Variants in SLC19A1 observed in about 807,000 individuals in gnomAD.
The protein encoded by SLC19A1 is reduced folate transporter.
A neutral mutation model predicts 35.3 loss-of-function variants in SLC19A1; 37 were observed. That is an observed-to-expected ratio of 1.05 (90% CI 0.81 to 1.38). The LOEUF (loss-of-function observed/expected upper bound fraction) is 1.38, where lower values mean the gene tolerates loss of function less well. Among genes scored for constraint, SLC19A1 ranks in the 40% most tolerant of loss-of-function variants. The probability of loss-of-function intolerance (pLI) is 0.00; values close to 1 mark genes in which losing one functional copy is unlikely to be tolerated. For synonymous variants in SLC19A1, 460 were observed against 398.5 expected, an observed-to-expected ratio of 1.15 and a Z score of -1.84; for missense variants, 831 against 826.9, an observed-to-expected ratio of 1.00 and a Z score of -0.06.
upstream of SLC19A1, among the ~76,000 whole-genome samples, chr21:45,543,480 T>C (rs2078372197): frequency 6.6e-6 from 1 of 152,208 alleles, no homozygotes; most frequent in African/African-American, 2.4e-5. Flanking sequence ...GCCCCTGGAA[T>C]GTACCCCTTC....
intron 5 of SLC19A1, among the ~76,000 whole-genome samples, chr21:45,523,757 C>T (rs1195241302): frequency 6.6e-6 from 1 of 152,198 alleles, no homozygotes; most frequent in Admixed American, 6.5e-5. Context: ...GCTGGGGCCA[C>T]ACAGGGCCCT....
intron 3 of SLC19A1, among the ~76,000 whole-genome samples, chr21:45,503,680 A>C (rs2036996528): frequency 6.6e-6 from 1 of 151,066 alleles, no homozygotes; most frequent in Non-Finnish European, 1.5e-5. Flanking sequence ...AGATATACCT[A>C]ATGCTAGATG....
chr21:45,505,045 G>A (rs2037108177), intron 3 of SLC19A1: 3 of 1,518,916 alleles, frequency 2.0e-6, no homozygotes, highest in African/African-American at 2.7e-5. Context: ...CTCGCCAAGG[G>A]GGTCTTGGCA....
chr21:45,545,588 T>C (rs142720497), upstream of SLC19A1, among the ~76,000 whole-genome samples: 2 of 151,822 alleles, frequency 1.3e-5, no homozygotes, highest in Admixed American at 6.6e-5. Context: ...ACAGCCCCCC[T>C]CATACGTACA....
In SLC19A1 at chr21:45,537,984, G is replaced by A. The variant is rs1013307146; in HGVS notation, c.-25C>T. On this transcript the variant is annotated 5_prime_UTR_variant, in exon 2 of 6. Coordinates refer to ENST00000311124, the MANE Select transcript of SLC19A1 (RefSeq NM_194255.4). ...TCCTGCTCAGGCCACGTGCAGCTCC[G>A]GAGGGGACGAAGGTGACGCTGTGCC... 1.9e-5 allele frequency: 29 copies of A among 1,492,562 alleles called. No individual in the cohort carries two copies. Among genetic ancestry groups the A allele is most frequent in the African/African-American group, 6.9e-5 (5 of 72,050 alleles). 92.5% of individuals were successfully genotyped at this position (1,492,562 alleles called of 1,614,324 possible).
At chr21:45,522,580 C>T (rs2077468737) in intron 5 of SLC19A1, among the ~76,000 whole-genome samples, 1 of 152,206 alleles carries the variant, frequency 6.6e-6, no homozygotes, top group Non-Finnish European at 1.5e-5. Context: ...ATACCTCACA[C>T]TGGAAACAAG....
chr21:45,513,854 G>A lies in SLC19A1; in HGVS notation c.*1804C>T, dbSNP rs2037750730. On this transcript the variant is annotated 3_prime_UTR_variant, in exon 6 of 6. Coordinates refer to ENST00000311124, the MANE Select transcript of SLC19A1 (RefSeq NM_194255.4). ...TGCACAGGCACGCACGGTTACATGG[G>A]GTATGCATGCATGGCCATACACAGG... 1 of 152,214 alleles carries A rather than the reference G, an allele frequency of 6.6e-6. No individual in the cohort carries two copies. Among genetic ancestry groups the A allele is most frequent in the African/African-American group, 2.4e-5 (1 of 41,416 alleles). 9.4% of individuals were successfully genotyped at this position (152,214 alleles called of 1,614,324 possible).
downstream of SLC19A1, among the ~76,000 whole-genome samples, chr21:45,508,066 T>G (rs2037330774): frequency 7.0e-6 from 1 of 142,422 alleles, no homozygotes. Flanking sequence ...GGTGGATGGA[T>G]GAGTAGATGG....
At chr21:45,552,648 C>A (rs1210683546) in intron 1 of SLC19A1, among the ~76,000 whole-genome samples, 1 of 151,670 alleles carries the variant, frequency 6.6e-6, no homozygotes, top group Non-Finnish European at 1.5e-5. Context: ...ACAGCCCCAG[C>A]CCCAGCAGAG....
chr21:45,534,024 G>A lies in SLC19A1; in HGVS notation c.190-1876C>T, dbSNP rs1176976961. Among the ~76,000 whole-genome samples, 1 of 152,056 alleles carries A rather than the reference G, an allele frequency of 6.6e-6. No homozygotes were observed. Among genetic ancestry groups the A allele is most frequent in the Non-Finnish European group, 1.5e-5 (1 of 67,980 alleles). ...CCTGCACCCTCATGGAGGCCAGGCT[G>A]ACCCAAAGGCTGTGGTCCCAGCAGC... On this transcript the variant is annotated intron_variant, in intron 2 of 5. Coordinates refer to ENST00000311124, the MANE Select transcript of SLC19A1 (RefSeq NM_194255.4). The surrounding 1 kb of genome is among the most constrained non-coding windows in gnomAD (Gnocchi z 4.2).
chr21:45,561,487 G>A (rs1254875721), intron 1 of SLC19A1, among the ~76,000 whole-genome samples: 1 of 152,186 alleles, frequency 6.6e-6, no homozygotes, highest in African/African-American at 2.4e-5. Flanking sequence ...GAGGCCGGGC[G>A]CGGTGGCTCA....
chr21:45,528,979 T>TC lies in SLC19A1; in HGVS notation c.1151+1790dup, dbSNP rs2077749390. 2.0e-5 allele frequency among the ~76,000 whole-genome samples: 3 copies of TC among 152,322 alleles called. No homozygotes were observed. The South Asian group carries it at 6.2e-4, about 32-fold the overall frequency. ...TATAACTAAAACCTTTCAGGCGTTG[T>TC]CCCCCTGGCTGCAGCAATGGGACAG... On this transcript the variant is annotated intron_variant, in intron 4 of 5. Coordinates refer to ENST00000311124, the MANE Select transcript of SLC19A1 (RefSeq NM_194255.4).
rs2039278 is a variant in SLC19A1, at chr21:45,528,114, C to T, written c.1152-2156G>A. ...GAGGCTCGGGGGCAGGCAGGCAGGC[C>T]GGCAGCAGGGAGGACGAGAGAAGCA... On this transcript the variant is annotated intron_variant, in intron 4 of 5. Coordinates refer to ENST00000311124, the MANE Select transcript of SLC19A1 (RefSeq NM_194255.4). Among the ~76,000 whole-genome samples the T allele has an allele frequency of 4.0e-3, 596 of 150,364 alleles. 4 individuals carry two copies. The highest frequency in any genetic ancestry group is 0.012 in the African/African-American group (482 of 40,890).
At chr21:45,520,890 C>T (rs772952519) in intron 5 of SLC19A1, among the ~76,000 whole-genome samples, 3 of 152,032 alleles carry the variant, frequency 2.0e-5, no homozygotes, top group Non-Finnish European at 4.4e-5. Context: ...CATGGTGGCA[C>T]ATGCCTGTAA....
chr21:45,556,390 G>A (rs2078562332), intron 1 of SLC19A1, among the ~76,000 whole-genome samples: 1 of 152,242 alleles, frequency 6.6e-6, no homozygotes, highest in Admixed American at 6.5e-5. Context: ...CCGCTCGTCA[G>A]CAGCTCGGCC....
At chr21:45,549,192 A>G (rs1399310867), upstream of SLC19A1, among the ~76,000 whole-genome samples, 1 of 152,230 alleles carries the variant, frequency 6.6e-6, no homozygotes, top group Non-Finnish European at 1.5e-5. Context: ...GGGACTACTC[A>G]GACTAAAAGG....
intron 1 of SLC19A1, among the ~76,000 whole-genome samples, chr21:45,550,399 T>G (rs1477483963): frequency 6.6e-6 from 1 of 152,094 alleles, no homozygotes; most frequent in Non-Finnish European, 1.5e-5. Flanking sequence ...GCTCCCTTCT[T>G]CCCATGGGCC....
rs997797881 is a variant in SLC19A1 at position 45,534,691 on chromosome 21, C to CA, written c.190-2544dup. ...CAGAGCCCTCCCGCTCCTCTCCCTG[C>CA]ACCTCCTCAACGGCCCCTACTCCCT... is the stretch of plus-strand genomic sequence containing the variant. On this transcript the variant is annotated intron_variant, in intron 2 of 5. Transcript: ENST00000311124. This position sits in a 1 kb window ranked among gnomAD's most constrained non-coding sequence, Gnocchi z 4.2. The CA allele has an allele frequency of 1.9e-5, 22 of 1,137,436 alleles. No individual in the cohort carries two copies. In the African/African-American group the frequency reaches 3.2e-4, roughly 17 times the overall value. The allele number at this position is 1,137,436 out of a possible 1,614,324, so 70.5% of individuals were successfully genotyped here.
rs916554118 is a variant in SLC19A1 at position 45,524,016 on chromosome 21, G to A, written c.1293+1801C>T. On this transcript the variant is annotated intron_variant, in intron 5 of 5. Coordinates refer to ENST00000311124, the MANE Select transcript of SLC19A1 (RefSeq NM_194255.4). ...CCAGGAGGCTGTGTCCACCCAGGCC[G>A]GGCCTGGACACATTCACCCGTGGGC... Among the ~76,000 whole-genome samples the A allele has an allele frequency of 3.9e-5, 6 of 152,156 alleles. No homozygotes were observed. The South Asian group carries it at 8.3e-4, about 21-fold the overall frequency.
Sources: allele counts gnomAD v4.1 joint callset (sites outside exome capture counted in the v4.1 genomes callset), GRCh38; gene constraint gnomAD v4.1.1; non-coding constraint Gnocchi (gnomAD v3.1); transcripts MANE v1.5; gene names NCBI Gene and HGNC (gene_info 2026-07-23, HGNC 2026-07-21).